Variants in ANO4 observed in about 807,000 individuals in gnomAD.
The protein encoded by ANO4 is anoctamin-4.
ANO4 carries 69 observed loss-of-function variants against 141.9 expected under a neutral mutation model. That is an observed-to-expected ratio of 0.49 (90% CI 0.40 to 0.59). The LOEUF is 0.59. Among genes scored for constraint, ANO4 ranks in the 20% least tolerant of loss-of-function variants. The pLI, the probability that ANO4 is intolerant of heterozygous loss-of-function variation, is 0.00. For missense variants in ANO4, 894 were observed against 1,162.2 expected (o/e 0.77, Z 3.36); for synonymous variants, 350 against 394.3 (o/e 0.89, Z 1.33).
intron 1 of ANO4, among the ~76,000 whole-genome samples, chr12:100,857,882 C>T (rs78122126): frequency 0.11 from 16,842 of 152,052 alleles, 1,011 homozygotes; most frequent in South Asian, 0.16. Context: ...AACCAAACCA[C>T]CAAAGATAAT....
At chr12:101,048,306 G>A in intron 13 of ANO4, 35 bp from the exon 14 acceptor site, 1 of 1,603,230 alleles carries the variant, frequency 6.2e-7, no homozygotes. Context: ...TCATATATGA[G>A]AAATTAACTC....
intron 1 of ANO4, among the ~76,000 whole-genome samples, chr12:100,812,018 A>G (rs990968905): frequency 1.4e-4 from 16 of 116,726 alleles, no homozygotes; most frequent in Admixed American, 6.2e-4. Context: ...TCACATATAC[A>G]CATGCACACA....
intron 1 of ANO4, among the ~76,000 whole-genome samples, chr12:100,875,951 G>T (rs1250786731): frequency 6.7e-6 from 1 of 148,732 alleles, no homozygotes; most frequent in Non-Finnish European, 1.5e-5. Context: ...AGAGTCAGTT[G>T]AATAAACAAA....
chr12:100,731,437 A>G (rs1447712026), intron 1 of ANO4, among the ~76,000 whole-genome samples: 2 of 152,176 alleles, frequency 1.3e-5, no homozygotes, highest in African/African-American at 4.8e-5. Context: ...GTCCCCACAT[A>G]TACTCCCCTG....
rs563310061 is a variant in ANO4, at chr12:100,967,116, C to T, written c.457-4190C>T. 6.6e-5 allele frequency among the ~76,000 whole-genome samples: 10 copies of T among 152,108 alleles called. No individual in the cohort carries two copies. In the East Asian group the frequency reaches 1.9e-3, roughly 29 times the overall value. ...GTGTGAATCTTATCTCTTTTTACTC[C>T]AGGTAATTTCCCATGATACTCGTTA... On this transcript the variant is annotated intron_variant, in intron 5 of 27. Transcript: ENST00000392977.
rs572619335 is a variant in ANO4 at position 101,032,504 on chromosome 12, AG to A, written c.842-4590del. On this transcript the variant is annotated intron_variant, in intron 9 of 27. Coordinates refer to ENST00000392977, the MANE Select transcript of ANO4 (RefSeq NM_001286615.2). ...AACTAAAGAGCTTCTGCACAGCAAA[AG>A]AAACTACCATCAGAGTGAACAGGCA... Among the ~76,000 whole-genome samples, 481 of 152,372 alleles carry A rather than the reference AG, an allele frequency of 3.2e-3. 3 individuals are homozygous for A. The highest frequency in any genetic ancestry group is 0.011 in the African/African-American group (456 of 41,592).
At chr12:100,938,442 C>T (rs1188445337) in intron 3 of ANO4, among the ~76,000 whole-genome samples, 2 of 152,320 alleles carry the variant, frequency 1.3e-5, no homozygotes, top group African/African-American at 4.8e-5. Flanking sequence ...CCCAATCCCT[C>T]ATGAATTATT....
intron 10 of ANO4, among the ~76,000 whole-genome samples, chr12:101,037,552 A>T (rs1046404459): frequency 2.0e-5 from 3 of 152,192 alleles, no homozygotes; most frequent in Non-Finnish European, 4.4e-5. Flanking sequence ...CCATCTTGAA[A>T]AGTCTCTGGT....
chr12:100,812,964 T>C (rs1277092734), intron 1 of ANO4, among the ~76,000 whole-genome samples: 1 of 152,234 alleles, frequency 6.6e-6, no homozygotes, highest in African/African-American at 2.4e-5. Context: ...CTACTTGTCT[T>C]TAAGCAATCT....
chr12:100,912,706 G>A (rs909606317), intron 2 of ANO4, among the ~76,000 whole-genome samples: 5 of 152,172 alleles, frequency 3.3e-5, no homozygotes, highest in Non-Finnish European at 7.3e-5. Context: ...TAGGATCTAA[G>A]GAACCTGGCT....
intron 2 of ANO4, among the ~76,000 whole-genome samples, chr12:100,907,703 G>A (rs913583239): frequency 3.3e-5 from 5 of 152,186 alleles, no homozygotes; most frequent in African/African-American, 1.2e-4. Context: ...CAATCCTTCA[G>A]TTGTTTAAGA....
chr12:100,998,110 G>C (rs1414813118), intron 8 of ANO4, among the ~76,000 whole-genome samples: 1 of 152,188 alleles, frequency 6.6e-6, no homozygotes, highest in Non-Finnish European at 1.5e-5. Context: ...CAGTGGGCTG[G>C]GGAAGGCAGA....
chr12:100,750,664 T>C (rs1877880), intron 3 of ANO4, among the ~76,000 whole-genome samples: 104,895 of 151,902 alleles, frequency 0.69, 36,367 homozygotes, highest in East Asian at 0.82. Context: ...AACAGTACTC[T>C]ATAAAGAAAA....
intron 5 of ANO4, among the ~76,000 whole-genome samples, chr12:100,956,952 A>G (rs1234819064): frequency 6.6e-6 from 1 of 152,218 alleles, no homozygotes; most frequent in African/African-American, 2.4e-5. Context: ...CCATTTGTAC[A>G]TAGCAAAGCT....
intron 2 of ANO4, among the ~76,000 whole-genome samples, chr12:100,912,417 G>GA (rs10641222): frequency 0.39 from 47,214 of 120,890 alleles, 8,975 homozygotes; most frequent in East Asian, 0.52. Context: ...AAAGAAAAAA[G>GA]AAAAAAAAAA....
Position 101,105,322 on chromosome 12 carries a change from G to A in ANO4, c.2150-5082G>A, listed in dbSNP as rs560974106. ...GGTAGAAAAGAACATCACTGAAAGC[G>A]GAGTATCACAAATTTGTTCCTAAAG... On this transcript the variant is annotated intron_variant, in intron 22 of 27. Transcript: ENST00000392977. Among the ~76,000 whole-genome samples the A allele has an allele frequency of 8.5e-5, 13 of 152,286 alleles. 1 individual carries two copies. Among genetic ancestry groups the A allele is most frequent in the Admixed American group, 2.0e-4 (3 of 15,290 alleles).
intron 8 of ANO4, among the ~76,000 whole-genome samples, chr12:100,997,068 G>A (rs2045412505): frequency 6.6e-6 from 1 of 152,016 alleles, no homozygotes; most frequent in South Asian, 2.1e-4. Context: ...GGGTGTGGTG[G>A]CTCACGCCTG....
intron 8 of ANO4, among the ~76,000 whole-genome samples, chr12:101,015,730 C>G (rs1377215828): frequency 6.6e-6 from 1 of 152,132 alleles, no homozygotes; most frequent in Non-Finnish European, 1.5e-5. Flanking sequence ...TTGCTCTCCC[C>G]CTAGCAGTGC....
At chr12:100,794,260 C>T (rs2034166675), upstream of ANO4, among the ~76,000 whole-genome samples, 3 of 152,106 alleles carry the variant, frequency 2.0e-5, no homozygotes, top group Admixed American at 2.0e-4. Flanking sequence ...CATGATGACC[C>T]CTTGAAGGCA....
Sources: gnomAD v4.1 joint callset for allele counts (sites outside exome capture counted in the v4.1 genomes callset) on GRCh38, gnomAD v4.1.1 for gene constraint, MANE v1.5 for transcripts, NCBI Gene and HGNC (gene_info 2026-07-23, HGNC 2026-07-21) for gene names.